Variants in RARB observed in about 807,000 individuals in gnomAD.
RARB encodes HBV-activated protein.
RARB carries 17 observed loss-of-function variants against 51.9 expected under a neutral mutation model. The ratio of observed to expected loss-of-function variants is 0.33; its 90% CI spans 0.22 to 0.49. RARB has a LOEUF of 0.49. Ranked by LOEUF, RARB falls within the 20% of genes least tolerant of loss-of-function variation. The pLI, the probability that RARB is intolerant of heterozygous loss-of-function variation, is 0.99. For missense variants in RARB, 369 were observed against 550.8 expected (o/e 0.67, Z 3.30); for synonymous variants, 215 against 195.4 (o/e 1.10, Z -0.84).
At chr3:25,322,932 C>G (rs1019868035) in intron 5 of RARB, among the ~76,000 whole-genome samples, 1 of 152,198 alleles carries the variant, frequency 6.6e-6, no homozygotes, top group Non-Finnish European at 1.5e-5. Context: ...ATTCTATTGC[C>G]TATGATTCTG....
rs1702897243 is a variant in RARB, at chr3:24,868,884, T to G, written c.-380+10132T>G. On this transcript the variant is annotated intron_variant, in intron 2 of 11. Transcript: ENST00000383772. Reference sequence around the variant, plus strand: ...GGCCTGCCTTTCTGGGCCAAACCAATGTACACTTTATATGTATTTAATTTA... The same window carrying G: ...GGCCTGCCTTTCTGGGCCAAACCAAGGTACACTTTATATGTATTTAATTTA... 1.3e-5 allele frequency among the ~76,000 whole-genome samples: 2 copies of G among 152,116 alleles called. 1 individual carries two copies. The highest frequency in any genetic ancestry group is 4.1e-4 in the South Asian group (2 of 4,832).
intron 5 of RARB, among the ~76,000 whole-genome samples, chr3:25,376,935 G>C (rs903803625): frequency 1.3e-5 from 2 of 152,216 alleles, no homozygotes; most frequent in African/African-American, 4.8e-5. Context: ...ATGTGTAAAA[G>C]ATGGTGTTAG....
intron 1 of RARB, among the ~76,000 whole-genome samples, chr3:25,459,969 T>C (rs1195769287): frequency 6.6e-6 from 1 of 152,216 alleles, no homozygotes; most frequent in Non-Finnish European, 1.5e-5. Flanking sequence ...TCCTGGAGAA[T>C]TAGGGGTAGG....
chr3:25,227,565 T>G (rs1702084578), intron 5 of RARB, among the ~76,000 whole-genome samples: 1 of 152,164 alleles, frequency 6.6e-6, no homozygotes, highest in African/African-American at 2.4e-5. Context: ...GACAGCTTGC[T>G]GTGGAAGATG....
rs761412606 is a variant in RARB at position 25,569,798 on chromosome 3, G to A, written c.489G>A (p.Ser163=). The change falls in exon 4 of 8, where the codon TCG becomes TCA. Residue 163 remains serine (S), a synonymous_variant. Coordinates refer to ENST00000330688, the MANE Select transcript of RARB (RefSeq NM_000965.5). ...NDRNKKKKET[S]KQECTESYEM... ...GGAACAAGAAAAAGAAGGAGACTTC[G>A]AAGCAAGAATGCACAGAGAGCTATG... is the stretch of plus-strand genomic sequence containing the variant. 27 of 1,614,070 alleles carry A rather than the reference G, an allele frequency of 1.7e-5. No homozygotes were observed. Among genetic ancestry groups the A allele is most frequent in the African/African-American group, 9.3e-5 (7 of 74,936 alleles).
intron 4 of RARB, among the ~76,000 whole-genome samples, chr3:25,134,980 T>A (rs1321372640): frequency 1.3e-5 from 2 of 151,900 alleles, no homozygotes; most frequent in East Asian, 3.9e-4. Context: ...TGCCACTGTT[T>A]AAAAATTACA....
rs568153253 is a variant in RARB, at chr3:25,547,704, T to C, written c.449-22054T>C. Among the ~76,000 whole-genome samples the C allele has an allele frequency of 1.3e-4, 20 of 152,240 alleles. No individual in the cohort carries two copies. In the South Asian group the frequency reaches 2.1e-3, roughly 16 times the overall value. On this transcript the variant is annotated intron_variant, in intron 3 of 7. Transcript: ENST00000330688. ...TGTCTTGGTAACCTGTGTTGGAGTT[T>C]AATAATTGTTTATGGATGGATGTAT...
At chr3:24,903,939 C>A (rs1207537251) in intron 2 of RARB, among the ~76,000 whole-genome samples, 1 of 152,020 alleles carries the variant, frequency 6.6e-6, no homozygotes, top group African/African-American at 2.4e-5. Flanking sequence ...AAAGTAAAAA[C>A]CATATTTCTG....
At chr3:25,114,328 G>C (rs1258504207) in intron 3 of RARB, among the ~76,000 whole-genome samples, 3 of 152,158 alleles carry the variant, frequency 2.0e-5, no homozygotes, top group Admixed American at 1.3e-4. Context: ...GGTTGGAGTA[G>C]CTGAGGCTTT....
At chr3:25,049,457 C>T (rs1372932613) in intron 2 of RARB, among the ~76,000 whole-genome samples, 2 of 152,186 alleles carry the variant, frequency 1.3e-5, no homozygotes, top group Non-Finnish European at 2.9e-5. Flanking sequence ...TTATTTACAT[C>T]ACTTTGACTA....
chr3:24,829,899 C>T (rs1702257563), intron 1 of RARB, among the ~76,000 whole-genome samples: 1 of 152,220 alleles, frequency 6.6e-6, no homozygotes, highest in Non-Finnish European at 1.5e-5. Context: ...CAGAGGTTCT[C>T]GCTCCATTCC....
chr3:25,532,685 T>G (rs1187148287), intron 3 of RARB, among the ~76,000 whole-genome samples: 24 of 152,208 alleles, frequency 1.6e-4, no homozygotes, highest in Admixed American at 1.6e-3. Flanking sequence ...AGCTAAATAT[T>G]TAACTCTCAA....
chr3:25,138,398 A>T (rs1700063409), intron 4 of RARB, among the ~76,000 whole-genome samples: 1 of 150,292 alleles, frequency 6.7e-6, no homozygotes. Flanking sequence ...ACATTGCTTT[A>T]AAAAGGACCA....
At chr3:24,914,797 G>C (rs1227128496) in intron 2 of RARB, among the ~76,000 whole-genome samples, 1 of 152,080 alleles carries the variant, frequency 6.6e-6, no homozygotes, top group Non-Finnish European at 1.5e-5. Context: ...TGTGGAACTC[G>C]AGATACAGAG....
At chr3:25,027,143 TACTC>T (rs1441295054) in intron 2 of RARB, among the ~76,000 whole-genome samples, 1 of 152,196 alleles carries the variant, frequency 6.6e-6, no homozygotes, top group Non-Finnish European at 1.5e-5. Context: ...AAGAATAACT[TACTC>T]AGAAACTATA....
At chr3:25,088,028 G>A (rs1036660143) in intron 3 of RARB, among the ~76,000 whole-genome samples, 2 of 151,972 alleles carry the variant, frequency 1.3e-5, no homozygotes, top group East Asian at 1.9e-4. Flanking sequence ...TCACAAGAAG[G>A]TTGTAAAGGA....
chr3:25,456,676 T>TAGAG (rs1300602454), intron 1 of RARB, among the ~76,000 whole-genome samples: 13 of 113,800 alleles, frequency 1.1e-4, no homozygotes, highest in Non-Finnish European at 1.8e-4. Context: ...TATATATATA[T>TAGAG]ATATATAGAG....
intron 2 of RARB, among the ~76,000 whole-genome samples, chr3:24,895,020 T>A (rs1318250230): frequency 6.6e-6 from 1 of 152,206 alleles, no homozygotes; most frequent in African/African-American, 2.4e-5. Context: ...TTCAATAGAT[T>A]TACTAAGTTA....
intron 2 of RARB, among the ~76,000 whole-genome samples, chr3:25,043,039 T>A (rs1012002468): frequency 6.6e-6 from 1 of 152,216 alleles, no homozygotes; most frequent in East Asian, 1.9e-4. Context: ...TGTGCCTTCA[T>A]GATGTAATGG....
Sources: gnomAD v4.1 joint callset for allele counts (sites outside exome capture counted in the v4.1 genomes callset) on GRCh38, gnomAD v4.1.1 for gene constraint, MANE v1.5 for transcripts, NCBI Gene and HGNC (gene_info 2026-07-23, HGNC 2026-07-21) for gene names.